SMC5: variants seen among roughly 807,000 people sequenced by gnomAD.
SMC5 encodes the protein structural maintenance of chromosomes protein 5.
A neutral mutation model predicts 148.3 loss-of-function variants in SMC5; 88 were observed. The ratio of observed to expected loss-of-function variants is 0.59; its 90% CI spans 0.50 to 0.71. The LOEUF (loss-of-function observed/expected upper bound fraction) is 0.71. Among genes scored for constraint, SMC5 ranks in the 30% least tolerant of loss-of-function variants. The pLI is 0.00. For missense variants in SMC5, 1,142 were observed against 1,298.9 expected (o/e 0.88, Z 1.86); for synonymous variants, 421 against 432.8 (o/e 0.97, Z 0.34).
intron 5 of SMC5, among the ~76,000 whole-genome samples, chr9:70,280,198 C>A (rs1438931490): frequency 6.6e-6 from 1 of 152,218 alleles, no homozygotes; most frequent in African/African-American, 2.4e-5. Context: ...CACCTACACT[C>A]TTGACCATCC....
intron 3 of SMC5, among the ~76,000 whole-genome samples, chr9:70,273,189 C>CT (rs199876330): frequency 0.22 from 31,026 of 142,964 alleles, 3,400 homozygotes; most frequent in South Asian, 0.29. Flanking sequence ...AATCATCTGG[C>CT]TTTTTTTTTT....
At chr9:70,291,778 C>T (rs548119640) in intron 8 of SMC5, among the ~76,000 whole-genome samples, 34 of 152,010 alleles carry the variant, frequency 2.2e-4, no homozygotes, top group South Asian at 6.2e-4. Context: ...AGGAAACTGC[C>T]GGGTAGATCA....
chr9:70,295,745 A>C (rs1372420752), intron 8 of SMC5, among the ~76,000 whole-genome samples: 3 of 152,196 alleles, frequency 2.0e-5, no homozygotes, highest in African/African-American at 7.2e-5. Context: ...TATCAGACAA[A>C]GACCTTCTCT....
At chr9:70,280,997 C>CTTTTTCAT (rs2034735293) in intron 6 of SMC5, 98 bp downstream of exon 6, 1 of 1,360,334 alleles carries the variant, frequency 7.4e-7, no homozygotes, top group South Asian at 1.3e-5. Context: ...TTAGGTGCTT[C>CTTTTTCAT]TTTTTCATTT....
intron 14 of SMC5, 47 bp from the exon 15 acceptor site, chr9:70,318,747 C>CTG (rs759079875): frequency 6.4e-6 from 10 of 1,554,182 alleles, no homozygotes; most frequent in Non-Finnish European, 8.7e-6. Flanking sequence ...AATAGTTTCA[C>CTG]TGGAACAGTT....
At chr9:70,285,842 AG>A (rs2034884775) in intron 7 of SMC5, among the ~76,000 whole-genome samples, 3 of 152,164 alleles carry the variant, frequency 2.0e-5, no homozygotes, top group Non-Finnish European at 4.4e-5. Flanking sequence ...TTTTATAATT[AG>A]TTTCCATTTT....
intron 17 of SMC5, among the ~76,000 whole-genome samples, chr9:70,325,655 C>T (rs978925815): frequency 1.3e-5 from 2 of 152,040 alleles, no homozygotes; most frequent in Admixed American, 6.6e-5. Flanking sequence ...AATATATATT[C>T]TATAGTTATA....
intron 10 of SMC5, among the ~76,000 whole-genome samples, chr9:70,304,368 C>T (rs1476336180): frequency 3.9e-5 from 6 of 152,026 alleles, no homozygotes; most frequent in Admixed American, 1.3e-4. Flanking sequence ...AGTGCTACCA[C>T]GCCTGGCCCA....
intron 8 of SMC5, among the ~76,000 whole-genome samples, chr9:70,293,407 G>A (rs1399485389): frequency 6.8e-6 from 1 of 147,438 alleles, no homozygotes; most frequent in Non-Finnish European, 1.5e-5. Flanking sequence ...TTTCAAGGAG[G>A]CAGCTGTTTG....
At chr9:70,319,051 C>T (rs1193740074) in intron 15 of SMC5, 88 bp downstream of exon 15, 1 of 1,134,794 alleles carries the variant, frequency 8.8e-7, no homozygotes, top group Admixed American at 3.1e-5. Flanking sequence ...AGCATTTCCA[C>T]AAGCACGCTT....
rs374670026 is a variant in SMC5 at position 70,305,399 on chromosome 9, A to G, written c.1578+39A>G. On this transcript the variant is annotated intron_variant, in intron 11 of 24. Coordinates refer to ENST00000361138, the MANE Select transcript of SMC5 (RefSeq NM_015110.4). ...AACACAACACTTTGATTCACTTGAC[A>G]CTTACTTTCAGCACTTGAAGTTTTA... The G allele has an allele frequency of 1.8e-5, 22 of 1,192,910 alleles. 1 individual carries two copies. Among genetic ancestry groups the G allele is most frequent in the Middle Eastern group, 1.9e-4 (1 of 5,238 alleles). 73.9% of individuals were successfully genotyped at this position (1,192,910 alleles called of 1,614,324 possible).
intron 17 of SMC5, among the ~76,000 whole-genome samples, chr9:70,329,980 C>T (rs78647255): frequency 4.7e-4 from 72 of 152,146 alleles, no homozygotes; most frequent in African/African-American, 1.2e-3. Flanking sequence ...CACTTTTAAA[C>T]GATCAGATCT....
chr9:70,351,173 A>C (rs536299789), intron 24 of SMC5, among the ~76,000 whole-genome samples: 27 of 151,834 alleles, frequency 1.8e-4, no homozygotes, highest in African/African-American at 6.5e-4. Flanking sequence ...GCAACATGGC[A>C]AAACCCCATC....
chr9:70,351,703 A>T (rs143725844), intron 24 of SMC5, among the ~76,000 whole-genome samples: 283 of 152,266 alleles, frequency 1.9e-3, no homozygotes, highest in African/African-American at 6.6e-3. Context: ...ATTGTTCCTT[A>T]GGCCAGGCTA....
intron 3 of SMC5, among the ~76,000 whole-genome samples, chr9:70,271,557 C>T (rs942239224): frequency 6.6e-6 from 1 of 152,086 alleles, no homozygotes. Context: ...ACTCTTCCCT[C>T]ATGGAATTTA....
intron 17 of SMC5, among the ~76,000 whole-genome samples, chr9:70,328,320 T>C (rs572625465): frequency 6.6e-6 from 1 of 152,274 alleles, no homozygotes; most frequent in East Asian, 1.9e-4. Context: ...CCTTTCCACC[T>C]ATGAACCTGT....
chr9:70,300,642 C>A (rs1417067485), intron 10 of SMC5, among the ~76,000 whole-genome samples: 1 of 151,970 alleles, frequency 6.6e-6, no homozygotes, highest in Non-Finnish European at 1.5e-5. Context: ...AAAGTGAAAC[C>A]AATACCTTAT....
At chr9:70,268,536 T>C (rs2034355797) in intron 3 of SMC5, among the ~76,000 whole-genome samples, 1 of 150,212 alleles carries the variant, frequency 6.7e-6, no homozygotes, top group Admixed American at 6.7e-5. Context: ...GGTAATGAAA[T>C]AGAACTATAC....
chr9:70,288,170 T>C (rs1488823368), intron 8 of SMC5, among the ~76,000 whole-genome samples: 1 of 152,212 alleles, frequency 6.6e-6, no homozygotes, highest in Non-Finnish European at 1.5e-5. Context: ...TTTTAATTGA[T>C]GTTTTAATAT....
Sources: allele counts gnomAD v4.1 joint callset (sites outside exome capture counted in the v4.1 genomes callset), GRCh38; gene constraint gnomAD v4.1.1; transcripts MANE v1.5; gene names NCBI Gene and HGNC (gene_info 2026-07-23, HGNC 2026-07-21).